Variants in RS1 observed in about 807,000 individuals in gnomAD.
RS1 encodes retinoschisin.
In RS1, 2 loss-of-function variants were observed where a neutral mutation model predicts 20.8. The ratio of observed to expected loss-of-function variants is 0.10; its 90% CI spans 0.04 to 0.30. RS1 has a LOEUF of 0.30. RS1 is among the 10% of genes least tolerant of loss of function. The pLI, the probability that RS1 is intolerant of heterozygous loss-of-function variation, is 1.00. For synonymous variants in RS1, 70 were observed against 75.8 expected (o/e 0.92, Z 0.40); for missense variants, 151 against 189.8 (o/e 0.80, Z 1.20).
chrX:18,664,686 TTTATTATTATTGTTG>T (rs1236003411), intron 1 of RS1, among the ~76,000 whole-genome samples: 4 of 110,862 alleles, frequency 3.6e-5, no homozygotes, highest in African/African-American at 1.3e-4. Context: ...TCTCTAGTTC[TTTATTATTATTGTTG>T]TTATTATTAG....
At chrX:18,648,274 C>T (rs931740079) in intron 3 of RS1, among the ~76,000 whole-genome samples, 3 of 109,987 alleles carry the variant, frequency 2.7e-5, no homozygotes, top group South Asian at 7.9e-4. Flanking sequence ...GACAGGGTCT[C>T]GCCCTGTCCT....
At chrX:18,655,174 A>G (rs1928191334) in intron 3 of RS1, among the ~76,000 whole-genome samples, 1 of 112,102 alleles carries the variant, frequency 8.9e-6, no homozygotes. Flanking sequence ...TTTATTCAAC[A>G]GTGTGCTAGT....
chrX:18,648,517 A>G (rs1287823128), intron 3 of RS1, among the ~76,000 whole-genome samples: 1 of 111,059 alleles, frequency 9.0e-6, no homozygotes, highest in Non-Finnish European at 1.9e-5. Context: ...ACTAGGGATT[A>G]CAGGTGTGAG....
intron 1 of RS1, among the ~76,000 whole-genome samples, chrX:18,662,808 T>C (rs1280555314): frequency 1.8e-5 from 2 of 109,712 alleles, no homozygotes; most frequent in Non-Finnish European, 3.8e-5. Context: ...TTTGTATTTT[T>C]AGTAGAGACG....
At position 18,656,769 on chromosome X, in the gene RS1, C is replaced by T; in HGVS notation, c.79-11G>A. The T allele has an allele frequency of 8.4e-7, 1 of 1,193,252 alleles. No homozygotes were observed. The highest frequency in any genetic ancestry group is 1.1e-6 in the Non-Finnish European group (1 of 878,651). On this transcript the variant is annotated splice_polypyrimidine_tract_variant and intron_variant, in intron 2 of 5. Transcript: ENST00000379984. ...GTCCTCGCCTTCATCCTGCAGCCAACCAGAGAGGCAGGGCAGAAAAGTCAC... is the reference window on the plus strand; with the variant it reads ...GTCCTCGCCTTCATCCTGCAGCCAATCAGAGAGGCAGGGCAGAAAAGTCAC...
At chrX:18,652,529 C>T (rs917874780) in intron 3 of RS1, among the ~76,000 whole-genome samples, 2 of 111,272 alleles carry the variant, frequency 1.8e-5, no homozygotes, top group African/African-American at 6.5e-5. Flanking sequence ...ATTAGCCGAG[C>T]GCAGTGGTTG....
chrX:18,646,167 TCTGAG>T, intron 4 of RS1: 1 of 1,193,120 alleles, frequency 8.4e-7, no homozygotes, highest in Non-Finnish European at 1.1e-6. Flanking sequence ...TTTTTTCCTT[TCTGAG>T]ACAGAGTCTT....
At chrX:18,650,525 C>A in intron 3 of RS1, 1 of 1,212,168 alleles carries the variant, frequency 8.2e-7, no homozygotes, top group Non-Finnish European at 1.1e-6. Flanking sequence ...AGGTCCGAGG[C>A]ACTTCCATGT....
At chrX:18,658,780 TTCA>T (rs35009798) in intron 1 of RS1, among the ~76,000 whole-genome samples, 1,207 of 103,819 alleles carry the variant, frequency 0.012, 7 homozygotes, top group Middle Eastern at 0.03. Context: ...TTATTAAATC[TTCA>T]TCATCATCAT....
chrX:18,663,336 C>CTTT (rs56314934), intron 1 of RS1, among the ~76,000 whole-genome samples: 2 of 28,293 alleles, frequency 7.1e-5, no homozygotes, highest in African/African-American at 2.5e-4. Flanking sequence ...CTGTGCCTGG[C>CTTT]TTTTTTTTTT....
intron 5 of RS1, among the ~76,000 whole-genome samples, chrX:18,643,732 G>T (rs1224977250): frequency 1.8e-5 from 2 of 111,185 alleles, no homozygotes; most frequent in Admixed American, 1.9e-4. Context: ...CTGATTAAAT[G>T]TTGAAATTAG....
chrX:18,644,385 C>G, intron 5 of RS1, 45 bp downstream of exon 5: 5 of 1,165,104 alleles, frequency 4.3e-6, no homozygotes, highest in African/African-American at 1.8e-5. Context: ...AGGGGAAGTC[C>G]CAGAGGGTGC....
At chrX:18,642,431 A>G (rs2147189345) in intron 5 of RS1, among the ~76,000 whole-genome samples, 1 of 112,139 alleles carries the variant, frequency 8.9e-6, no homozygotes, top group East Asian at 2.8e-4. Flanking sequence ...TCAGTTCCTC[A>G]GTCACATGAG....
intron 3 of RS1, chrX:18,653,578 G>C (rs1463663578): frequency 1.7e-6 from 2 of 1,195,335 alleles, no homozygotes; most frequent in Non-Finnish European, 2.3e-6. Context: ...CCAATGCCCT[G>C]AATCACCTCT....
At chrX:18,648,100 G>T (rs989328140) in intron 3 of RS1, among the ~76,000 whole-genome samples, 6 of 111,289 alleles carry the variant, frequency 5.4e-5, no homozygotes, top group African/African-American at 2.0e-4. Context: ...TACTCGGGAG[G>T]CTGAGGCAGG....
intron 4 of RS1, 79 bp downstream of exon 4, chrX:18,647,112 T>C: frequency 4.5e-6 from 5 of 1,107,703 alleles, no homozygotes; most frequent in Non-Finnish European, 6.2e-6. Context: ...AGACGGGGTT[T>C]CACTGTGTTG....
At chrX:18,646,008 C>G in intron 4 of RS1, 3 of 1,211,512 alleles carry the variant, frequency 2.5e-6, no homozygotes, top group Non-Finnish European at 3.4e-6. Context: ...ACTAACTAGA[C>G]GGTGGATGTG....
intron 1 of RS1, among the ~76,000 whole-genome samples, chrX:18,666,689 G>A (rs1928410063): frequency 9.0e-6 from 1 of 111,431 alleles, no homozygotes; most frequent in Non-Finnish European, 1.9e-5. Flanking sequence ...GAGAGAAGAT[G>A]CTGGCTTGGC....
intron 2 of RS1, 64 bp from the exon 3 acceptor site, chrX:18,656,822 C>A: frequency 1.1e-6 from 1 of 904,026 alleles, no homozygotes; most frequent in African/African-American, 1.9e-5. Flanking sequence ...GTTGCCCCCA[C>A]GGAGTGATCA....
Sources: gnomAD v4.1 joint callset for allele counts (sites outside exome capture counted in the v4.1 genomes callset) on GRCh38, gnomAD v4.1.1 for gene constraint, MANE v1.5 for transcripts, NCBI Gene and HGNC (gene_info 2026-07-23, HGNC 2026-07-21) for gene names.